KCNH5: variants seen among roughly 807,000 people sequenced by gnomAD.
KCNH5 encodes voltage-gated delayed rectifier potassium channel KCNH5.
Under a neutral mutation model 96.1 loss-of-function variants are expected in KCNH5, and 46 were observed. That is an observed-to-expected ratio of 0.48 (90% CI 0.38 to 0.61). The LOEUF is 0.61. KCNH5 is among the 20% of genes least tolerant of loss of function. The probability of loss-of-function intolerance (pLI) is 0.00; values close to 1 mark genes in which losing one functional copy is unlikely to be tolerated. For synonymous variants in KCNH5, 439 were observed against 449.8 expected (o/e 0.98, Z 0.30); for missense variants, 907 against 1,225.8 (o/e 0.74, Z 3.88).
chr14:62,995,950 T>C (rs1221687731), intron 4 of KCNH5, among the ~76,000 whole-genome samples: 2 of 152,074 alleles, frequency 1.3e-5, no homozygotes, highest in Non-Finnish European at 2.9e-5. Context: ...AATATTCCTG[T>C]AAGAGTCCTG....
chr14:62,879,714 C>T (rs1266314712), intron 7 of KCNH5, among the ~76,000 whole-genome samples: 1 of 152,046 alleles, frequency 6.6e-6, no homozygotes, highest in African/African-American at 2.4e-5. Flanking sequence ...TTCACTGTAC[C>T]ATTGCCAATT....
intron 1 of KCNH5, among the ~76,000 whole-genome samples, chr14:63,022,247 C>G (rs561870043): frequency 1.3e-5 from 2 of 152,224 alleles, no homozygotes; most frequent in South Asian, 4.2e-4. Flanking sequence ...ACCCTCGTAT[C>G]TAATTAATTA....
intron 8 of KCNH5, among the ~76,000 whole-genome samples, chr14:62,830,359 T>C (rs1887317791): frequency 6.6e-6 from 1 of 152,324 alleles, no homozygotes; most frequent in African/African-American, 2.4e-5. Context: ...ACTCTTCTGG[T>C]ATCAGTTTCC....
intron 6 of KCNH5, among the ~76,000 whole-genome samples, chr14:62,968,242 AT>A (rs1300971593): frequency 1.3e-5 from 2 of 151,992 alleles, no homozygotes; most frequent in African/African-American, 4.8e-5. Flanking sequence ...CTTTCTCCAA[AT>A]TTTTTCCCTA....
At chr14:62,895,201 T>C (rs1219404775) in intron 7 of KCNH5, among the ~76,000 whole-genome samples, 1 of 152,238 alleles carries the variant, frequency 6.6e-6, no homozygotes, top group Non-Finnish European at 1.5e-5. Context: ...TAAGTGTTCT[T>C]TGTTAATTTT....
chr14:62,828,337 A>C (rs1413171244), intron 8 of KCNH5, among the ~76,000 whole-genome samples: 1 of 152,092 alleles, frequency 6.6e-6, no homozygotes, highest in Non-Finnish European at 1.5e-5. Context: ...ATTTCTATTT[A>C]TGCTTACATT....
chr14:62,843,947 T>C (rs1167539688), intron 8 of KCNH5, among the ~76,000 whole-genome samples: 2 of 152,132 alleles, frequency 1.3e-5, no homozygotes, highest in African/African-American at 2.4e-5. Flanking sequence ...AATTAAACTG[T>C]CAAAAGGAAA....
At chr14:63,017,872 T>TA (rs1461131433) in intron 1 of KCNH5, among the ~76,000 whole-genome samples, 1 of 151,948 alleles carries the variant, frequency 6.6e-6, no homozygotes, top group Non-Finnish European at 1.5e-5. Context: ...TAGAAGACTT[T>TA]AAATCCTCAT....
At chr14:62,742,404 C>T (rs980251854) in intron 10 of KCNH5, among the ~76,000 whole-genome samples, 24 of 152,156 alleles carry the variant, frequency 1.6e-4, no homozygotes, top group African/African-American at 5.6e-4. Context: ...GTCGATACCC[C>T]CAGGTGATTC....
chr14:62,987,119 G>A lies in KCNH5; in HGVS notation c.502C>T (p.Pro168Ser). The A allele has an allele frequency of 6.2e-7, 1 of 1,613,590 alleles. No individual in the cohort carries two copies. Among genetic ancestry groups the A allele is most frequent in the Non-Finnish European group, 8.5e-7 (1 of 1,179,656 alleles). ...NSRSVLQQLTPMNKTEVVHKH... is the reference protein window; with the variant it reads ...NSRSVLQQLTSMNKTEVVHKH... ...TGGACCACCTCTGTTTTATTCATTG[G>A]CGTGAGCTGCTGCAAAACACTTCGG... Residue 168 changes from proline (P) to serine (S), a missense_variant, in exon 5 of 11, where the codon CCA (proline) becomes TCA (serine). Pro to Ser is a moderately conservative substitution (Grantham distance 74). This residue lies in a region of KCNH5 where 370 missense variants were observed against 561.3 expected (regional missense o/e 0.66). Transcript: ENST00000322893.
chr14:63,027,741 T>G (rs1891552118), intron 1 of KCNH5, among the ~76,000 whole-genome samples: 1 of 152,040 alleles, frequency 6.6e-6, no homozygotes, highest in Non-Finnish European at 1.5e-5. Context: ...TTGAATGAAT[T>G]GCTAGTATTC....
At chr14:62,786,511 C>T (rs1044207015) in intron 9 of KCNH5, among the ~76,000 whole-genome samples, 1 of 152,096 alleles carries the variant, frequency 6.6e-6, no homozygotes, top group African/African-American at 2.4e-5. Context: ...TATCATCTCA[C>T]ATATTTTTGA....
intron 8 of KCNH5, among the ~76,000 whole-genome samples, chr14:62,810,583 C>G (rs1039098222): frequency 1.3e-5 from 2 of 152,030 alleles, no homozygotes; most frequent in Admixed American, 1.3e-4. Context: ...CTACCAAAAC[C>G]ATGATGGCCA....
intron 1 of KCNH5, among the ~76,000 whole-genome samples, chr14:63,029,530 G>GATGT (rs887229071): frequency 1.8e-4 from 27 of 151,880 alleles, no homozygotes; most frequent in African/African-American, 3.9e-4. Flanking sequence ...TGGCGGGGGG[G>GATGT]ATGTATGTAT....
rs913289318 is a variant in KCNH5, at chr14:62,705,166, C to T, written c.*2342G>A. On this transcript the variant is annotated 3_prime_UTR_variant, in exon 11 of 11. Transcript: ENST00000322893. ...TGTAGGTCGATTAGGTGAAACTCTA[C>T]GTCAATGTCAGAACACAGTAAATAT... 3.9e-5 allele frequency: 6 copies of T among 151,966 alleles called. No individual in the cohort carries two copies. Among genetic ancestry groups the T allele is most frequent in the African/African-American group, 7.2e-5 (3 of 41,424 alleles). The allele number at this position is 151,966 out of a possible 1,614,324, so 9.4% of individuals were successfully genotyped here.
chr14:62,717,817 T>G (rs1566637698), intron 10 of KCNH5, among the ~76,000 whole-genome samples: 1 of 152,200 alleles, frequency 6.6e-6, no homozygotes, highest in Non-Finnish European at 1.5e-5. Flanking sequence ...TAAAAATGCT[T>G]GTACTTCAAA....
intron 8 of KCNH5, among the ~76,000 whole-genome samples, chr14:62,811,132 G>A (rs1285026610): frequency 6.6e-6 from 1 of 152,126 alleles, no homozygotes; most frequent in Non-Finnish European, 1.5e-5. Flanking sequence ...AATTCTTTAT[G>A]ATATTCACTA....
intron 8 of KCNH5, among the ~76,000 whole-genome samples, chr14:62,810,979 C>A (rs940392416): frequency 3.9e-5 from 6 of 152,022 alleles, no homozygotes; most frequent in African/African-American, 1.4e-4. Flanking sequence ...AGTGCAGAAA[C>A]CCTGACCCAA....
chr14:62,860,660 A>T (rs1021865420), intron 7 of KCNH5, among the ~76,000 whole-genome samples: 3 of 152,202 alleles, frequency 2.0e-5, no homozygotes, highest in African/African-American at 4.8e-5. Context: ...CTTAGTGCCC[A>T]TCTTTTCCCA....
Sources: allele counts gnomAD v4.1 joint callset (sites outside exome capture counted in the v4.1 genomes callset), GRCh38; gene constraint gnomAD v4.1.1; regional missense constraint gnomAD v4.1.1; transcripts MANE v1.5; gene names NCBI Gene and HGNC (gene_info 2026-07-23, HGNC 2026-07-21).